TCP10L: variants seen among roughly 807,000 people sequenced by gnomAD.
TCP10L encodes the protein t-complex 10 like, also known as T-complex protein 10A homolog 1.
In TCP10L, 11 loss-of-function variants were observed where a neutral mutation model predicts 19.2. That is an observed-to-expected ratio of 0.57 (90% CI 0.36 to 0.95). TCP10L has a LOEUF of 0.95. Among genes scored for constraint, TCP10L ranks in the 40% least tolerant of loss-of-function variants. TCP10L has a pLI of 0.01. For missense variants in TCP10L, 247 were observed against 263.9 expected, an observed-to-expected ratio of 0.94 and a Z score of 0.44; for synonymous variants, 96 against 97.2, an observed-to-expected ratio of 0.99 and a Z score of 0.07.
chr21:32,577,028 T>A (rs1023904825), intron 4 of TCP10L, 105 bp from the exon 5 acceptor site: 6 of 1,197,414 alleles, frequency 5.0e-6, no homozygotes, highest in Non-Finnish European at 7.0e-6. Flanking sequence ...ATGATTCTAC[T>A]CCCCCTTCCT....
chr21:32,584,254 T>C lies in TCP10L; in HGVS notation c.51A>G (p.Pro17=). 6.2e-7 allele frequency: 1 copy of C among 1,614,128 alleles called. No individual in the cohort carries two copies. Among genetic ancestry groups the C allele is most frequent in the Non-Finnish European group, 8.5e-7 (1 of 1,179,998 alleles). Residue 17 remains proline, a synonymous_variant, in exon 2 of 5, where the codon CCA becomes CCG. Coordinates refer to ENST00000300258, the MANE Select transcript of TCP10L (RefSeq NM_144659.7). ...EARDPKEGTH[P]EDPCPGAGAV... ...CCCCAGCTCCTGGGCACGGGTCCTC[T>C]GGGTGGGTGCCCTCTTTGGGGTCCC...
At chr21:32,579,917 C>A (rs1460628879) in intron 3 of TCP10L, among the ~76,000 whole-genome samples, 3 of 152,176 alleles carry the variant, frequency 2.0e-5, no homozygotes, top group African/African-American at 7.2e-5. Flanking sequence ...GCCTGCCCAG[C>A]TTCTGCTCTT....
Position 32,575,316 on chromosome 21 carries a change from G to T in TCP10L, c.*1458C>A, listed in dbSNP as rs551706122. On this transcript the variant is annotated 3_prime_UTR_variant, in exon 5 of 5. Transcript: ENST00000300258. ...CCTGCCCCACAGAGAAGTGCAGAGGGGACTGTGAGGGCACGCAGAGCCTGA... is the reference window on the plus strand; with the variant it reads ...CCTGCCCCACAGAGAAGTGCAGAGGTGACTGTGAGGGCACGCAGAGCCTGA... 1.3e-3 allele frequency: 194 copies of T among 153,012 alleles called. 1 individual carries two copies. The highest frequency in any genetic ancestry group is 1.9e-3 in the East Asian group (10 of 5,192). The allele number at this position is 153,012 out of a possible 1,614,324, so 9.5% of individuals were successfully genotyped here. A position where few individuals can be genotyped will look rare whatever the true frequency, so the allele number is the denominator to read the frequency against.
rs1050322586 is a variant in TCP10L at position 32,574,061 on chromosome 21, G to A, written c.*2713C>T. On this transcript the variant is annotated 3_prime_UTR_variant, in exon 5 of 5. Transcript: ENST00000300258. Reference sequence around the variant, plus strand: ...GGAGAACAGAAAACAAGCGGGACCTGTGTTCCCAGACTTCCCCGCCAGGTG... The same window carrying A: ...GGAGAACAGAAAACAAGCGGGACCTATGTTCCCAGACTTCCCCGCCAGGTG... 6.6e-6 allele frequency: 1 copy of A among 152,114 alleles called. No individual in the cohort carries two copies. Among genetic ancestry groups the A allele is most frequent in the Non-Finnish European group, 1.5e-5 (1 of 68,024 alleles). 9.4% of individuals were successfully genotyped at this position (152,114 alleles called of 1,614,324 possible).
At chr21:32,579,557 A>G (rs2038469463) in intron 3 of TCP10L, among the ~76,000 whole-genome samples, 1 of 152,218 alleles carries the variant, frequency 6.6e-6, no homozygotes, top group African/African-American at 2.4e-5. Flanking sequence ...TCTTCAAATC[A>G]GGTATGCTCT....
chr21:32,581,144 G>A (rs2038490044), intron 3 of TCP10L, among the ~76,000 whole-genome samples: 1 of 152,212 alleles, frequency 6.6e-6, no homozygotes. Flanking sequence ...ACCGGCAGAA[G>A]AGCACACCAG....
rs2092793893 is a variant in TCP10L at position 32,578,070 on chromosome 21, GGT to G, written c.498+622_498+623del. On this transcript the variant is annotated intron_variant, in intron 4 of 4. Transcript: ENST00000300258. The surrounding 1 kb of genome is among the most constrained non-coding windows in gnomAD (Gnocchi z 4.2). ...GCGGTTTTCCACCCTGGGTGGGCCA[GGT>G]GTTCCTTGCCATCATTCTGGTAAAC... Among the ~76,000 whole-genome samples, 1 of 152,260 alleles carries G rather than the reference GGT, an allele frequency of 6.6e-6. No individual in the cohort carries two copies. Among genetic ancestry groups the G allele is most frequent in the African/African-American group, 2.4e-5 (1 of 41,470 alleles).
At chr21:32,584,040 G>T in intron 2 of TCP10L, 121 bp downstream of exon 2, 1 of 1,339,864 alleles carries the variant, frequency 7.5e-7, no homozygotes, top group Non-Finnish European at 1.0e-6. Context: ...CAGAATCAGT[G>T]TCCCGGGGTG....
intron 1 of TCP10L, among the ~76,000 whole-genome samples, chr21:32,584,686 G>A (rs141554391): frequency 2.0e-5 from 3 of 152,126 alleles, no homozygotes; most frequent in Non-Finnish European, 4.4e-5. Flanking sequence ...GCGGATGTGA[G>A]CACGATGGTC....
rs547825953 is a variant in TCP10L at position 32,576,632 on chromosome 21, A to G, written c.*142T>C. 5 of 881,214 alleles carry G rather than the reference A, an allele frequency of 5.7e-6. No individual in the cohort carries two copies. In the South Asian group the frequency reaches 7.6e-5, roughly 13 times the overall value. 54.6% of individuals were successfully genotyped at this position (881,214 alleles called of 1,614,324 possible). On this transcript the variant is annotated 3_prime_UTR_variant, in exon 5 of 5. Transcript: ENST00000300258. ...TTCAAGTTTTTATCTATAGAAACAT[A>G]ATTAGTTTAATAAATTACTAGGTCT...
chr21:32,583,024 CTT>C (rs59972145), intron 2 of TCP10L, among the ~76,000 whole-genome samples: 1 of 94,794 alleles, frequency 1.1e-5, no homozygotes, highest in Non-Finnish European at 2.1e-5. Flanking sequence ...CATTCTTTTC[CTT>C]TTTTTTTTTT....
Position 32,582,577 on chromosome 21 carries a change from C to CTTTA in TCP10L, c.145-163_145-162insTAAA. On this transcript the variant is annotated intron_variant, in intron 2 of 4. Coordinates refer to ENST00000300258, the MANE Select transcript of TCP10L (RefSeq NM_144659.7). The surrounding 1 kb of genome is among the most constrained non-coding windows in gnomAD (Gnocchi z 4.2). Reference sequence around the variant, plus strand: ...GACTACCACAGCCTTTTTCTTTCTTCTTTCTTTCCTTTCTTTCTTTCTTTT... The same window carrying CTTTA: ...GACTACCACAGCCTTTTTCTTTCTTCTTTATTTCTTTCCTTTCTTTCTTTCTTTT... The CTTTA allele has an allele frequency of 1.6e-6, 1 of 636,630 alleles. No individual in the cohort carries two copies. The highest frequency in any genetic ancestry group is 2.7e-6 in the Non-Finnish European group (1 of 372,450). The allele number at this position is 636,630 out of a possible 1,614,324, so 39.4% of individuals were successfully genotyped here.
At position 32,582,188 on chromosome 21, in the gene TCP10L, C is replaced by T. The variant is rs200667833; in HGVS notation, c.360+12G>A. The T allele has an allele frequency of 3.1e-5, 50 of 1,610,988 alleles. No homozygotes were observed. Among genetic ancestry groups the T allele is most frequent in the Admixed American group, 1.9e-4 (11 of 59,226 alleles). ...CGCAAACGGTACAAAAACATAAATG[C>T]GCTTTTGGTACCAGAGTGTGCGATT... On this transcript the variant is annotated intron_variant, in intron 3 of 4. Coordinates refer to ENST00000300258, the MANE Select transcript of TCP10L (RefSeq NM_144659.7). The surrounding 1 kb of genome is among the most constrained non-coding windows in gnomAD (Gnocchi z 4.2).
Position 32,575,645 on chromosome 21 carries a change from G to A in TCP10L, c.*1129C>T, listed in dbSNP as rs561890794. 1.3e-5 allele frequency: 2 copies of A among 153,432 alleles called. No individual in the cohort carries two copies. Among genetic ancestry groups the A allele is most frequent in the East Asian group, 3.8e-4 (2 of 5,202 alleles). The allele number at this position is 153,432 out of a possible 1,614,324, so 9.5% of individuals were successfully genotyped here. On this transcript the variant is annotated 3_prime_UTR_variant, in exon 5 of 5. Coordinates refer to ENST00000300258, the MANE Select transcript of TCP10L (RefSeq NM_144659.7). Reference sequence around the variant, plus strand: ...AGGCCCCGTTTCTTTACCAAGATAGGTTCCTGCAGAGGTCGTGAAGCTGCT... The same window carrying A: ...AGGCCCCGTTTCTTTACCAAGATAGATTCCTGCAGAGGTCGTGAAGCTGCT...
In TCP10L at chr21:32,575,791, C is replaced by T. The variant is rs777380916; in HGVS notation, c.*983G>A. On this transcript the variant is annotated 3_prime_UTR_variant, in exon 5 of 5. Coordinates refer to ENST00000300258, the MANE Select transcript of TCP10L (RefSeq NM_144659.7). ...AGCACCCACAGCTGCATGGACAGAACTGGGGCCTGGGAAAGAGGCCAGGAA... is the reference window on the plus strand; with the variant it reads ...AGCACCCACAGCTGCATGGACAGAATTGGGGCCTGGGAAAGAGGCCAGGAA... The T allele has an allele frequency of 4.5e-5, 7 of 155,884 alleles. No individual in the cohort carries two copies. Among genetic ancestry groups the T allele is most frequent in the Non-Finnish European group, 8.6e-5 (6 of 69,916 alleles). 9.7% of individuals were successfully genotyped at this position (155,884 alleles called of 1,614,324 possible). A position where few individuals can be genotyped will look rare whatever the true frequency, so the allele number is the denominator to read the frequency against.
chr21:32,580,475 CCTGT>C (rs1175908637), intron 3 of TCP10L, among the ~76,000 whole-genome samples: 1 of 77,844 alleles, frequency 1.3e-5, no homozygotes, highest in Non-Finnish European at 2.5e-5. Context: ...TCGGTGGGTG[CCTGT>C]GTGTGTGTGT....
intron 2 of TCP10L, 149 bp downstream of exon 2, chr21:32,584,012 C>G: frequency 9.6e-7 from 1 of 1,045,580 alleles, no homozygotes; most frequent in Non-Finnish European, 1.3e-6. Context: ...GAGCCACATG[C>G]CCCTTGGAGA....
At chr21:32,584,428 C>T (rs2038535635) in intron 1 of TCP10L, 123 bp from the exon 2 acceptor site, 4 of 1,383,118 alleles carry the variant, frequency 2.9e-6, no homozygotes, top group African/African-American at 2.9e-5. Context: ...CCTTCTCCCC[C>T]TGGGTCATGT....
Position 32,578,884 on chromosome 21 carries a change from T to A in TCP10L, c.361-53A>T. 6.2e-7 allele frequency: 1 copy of A among 1,612,264 alleles called. No individual in the cohort carries two copies. The highest frequency in any genetic ancestry group is 8.5e-7 in the Non-Finnish European group (1 of 1,179,294). On this transcript the variant is annotated intron_variant, in intron 3 of 4. Coordinates refer to ENST00000300258, the MANE Select transcript of TCP10L (RefSeq NM_144659.7). The surrounding 1 kb of genome is among the most constrained non-coding windows in gnomAD (Gnocchi z 4.2). ...TCACATTTTCGAAGGTAAAATAAAT[T>A]CAAATTTTAATACAATGAAGAATAA...
Sources: gnomAD v4.1 joint callset for allele counts (sites outside exome capture counted in the v4.1 genomes callset) on GRCh38, gnomAD v4.1.1 for gene constraint, Gnocchi (gnomAD v3.1) non-coding constraint, MANE v1.5 for transcripts, NCBI Gene and HGNC (gene_info 2026-07-23, HGNC 2026-07-21) for gene names.